KRABD4: variants seen among roughly 807,000 people sequenced by gnomAD.
KRABD4 encodes KRAB domain-containing protein 4.
At chrX:46,467,068 A>G in the KRABD4 span, among the ~76,000 whole-genome samples, 2 of 112,044 alleles carry the variant, frequency 1.8e-5, no homozygotes, top group African/African-American at 3.2e-5. Context: ...ATAGCTGAGT[A>G]GTGTTCCAGT....
At chrX:46,463,791 TG>T in the KRABD4 span, among the ~76,000 whole-genome samples, 2 of 109,976 alleles carry the variant, frequency 1.8e-5, no homozygotes, top group Admixed American at 1.9e-4. Context: ...GTTTGTTTTT[TG>T]TTTGTTTGTT....
At chrX:46,463,154 C>T in the KRABD4 span, 1 of 1,177,748 alleles carries the variant, frequency 8.5e-7, no homozygotes, top group Non-Finnish European at 1.2e-6. Flanking sequence ...TTCTGGAATT[C>T]CTCAGCATTA....
the KRABD4 span, among the ~76,000 whole-genome samples, chrX:46,468,773 T>C: frequency 8.9e-6 from 1 of 111,757 alleles, no homozygotes; most frequent in Non-Finnish European, 1.9e-5. Flanking sequence ...TCTAGACTGT[T>C]CTTTCTTAAT....
the KRABD4 span, chrX:46,473,501 A>G: frequency 2.5e-6 from 2 of 806,073 alleles, no homozygotes; most frequent in South Asian, 5.4e-5. Context: ...GAGAAACCTT[A>G]TGAATGTAAT....
chrX:46,455,856 C>A, the KRABD4 span: 1 of 333,880 alleles, frequency 3.0e-6, no homozygotes, highest in South Asian at 3.4e-5. Flanking sequence ...GACCTTGAGT[C>A]AAATCAGATA....
chrX:46,458,566 G>T, the KRABD4 span, among the ~76,000 whole-genome samples: 2 of 112,179 alleles, frequency 1.8e-5, no homozygotes, highest in Non-Finnish European at 3.8e-5. Context: ...CTGTAAGAGT[G>T]GTAAACTTTG....
chrX:46,460,006 G>A, the KRABD4 span, among the ~76,000 whole-genome samples: 33 of 112,497 alleles, frequency 2.9e-4, no homozygotes, highest in African/African-American at 1.0e-3. Flanking sequence ...CCAGTCACAA[G>A]TAGGGTGTCA....
chrX:46,448,431 A>G, the KRABD4 span: 1 of 112,865 alleles, frequency 8.9e-6, no homozygotes. Context: ...CGCTGAGCTG[A>G]GGCGAGTTGG....
At chrX:46,461,652 C>T in the KRABD4 span, among the ~76,000 whole-genome samples, 21 of 111,766 alleles carry the variant, frequency 1.9e-4, no homozygotes, top group Admixed American at 1.8e-3. Context: ...GGAATTGGGG[C>T]GCTTGTAGAA....
chrX:46,467,382 C>T, the KRABD4 span, among the ~76,000 whole-genome samples: 2 of 110,548 alleles, frequency 1.8e-5, no homozygotes, highest in Non-Finnish European at 3.8e-5. Context: ...TAGTGAAACC[C>T]CGTCTCTACT....
At chrX:46,467,691 C>A in the KRABD4 span, among the ~76,000 whole-genome samples, 1 of 111,852 alleles carries the variant, frequency 8.9e-6, no homozygotes, top group Non-Finnish European at 1.9e-5. Context: ...ATTTGCATTT[C>A]TGTATGATCA....
the KRABD4 span, among the ~76,000 whole-genome samples, chrX:46,470,604 T>C: frequency 9.1e-6 from 1 of 110,472 alleles, no homozygotes; most frequent in Non-Finnish European, 1.9e-5. Flanking sequence ...AGAACATTCC[T>C]GTTTTCAACT....
the KRABD4 span, among the ~76,000 whole-genome samples, chrX:46,467,932 G>C: frequency 9.0e-6 from 1 of 111,686 alleles, no homozygotes; most frequent in African/African-American, 3.3e-5. Context: ...TTTTTATAAA[G>C]TCCAATTTAT....
the KRABD4 span, among the ~76,000 whole-genome samples, chrX:46,447,699 C>G: frequency 1.8e-5 from 2 of 111,951 alleles, no homozygotes; most frequent in Admixed American, 9.4e-5. Context: ...TTCACAGGAG[C>G]CCTGTGAGGT....
At chrX:46,456,322 TATA>T in the KRABD4 span, 1 of 107,142 alleles carries the variant, frequency 9.3e-6, no homozygotes. Flanking sequence ...AAATATAAAG[TATA>T]ATTTATTAAT....
chrX:46,457,154 G>A, the KRABD4 span: 121 of 290,715 alleles, frequency 4.2e-4, 1 homozygote, highest in African/African-American at 3.2e-3. Flanking sequence ...TACTGATAAA[G>A]CGGAGAATTC....
At chrX:46,467,397 A>C in the KRABD4 span, among the ~76,000 whole-genome samples, 1 of 110,740 alleles carries the variant, frequency 9.0e-6, no homozygotes. Context: ...TCTACTAAAA[A>C]TACAAAAATT....
chrX:46,467,798 CTG>C, the KRABD4 span, among the ~76,000 whole-genome samples: 1 of 111,970 alleles, frequency 8.9e-6, no homozygotes, highest in African/African-American at 3.2e-5. Flanking sequence ...TGTTATTAAA[CTG>C]TGAGAGTTCT....
chrX:46,470,881 TG>T, the KRABD4 span, among the ~76,000 whole-genome samples: 7 of 111,301 alleles, frequency 6.3e-5, no homozygotes, highest in African/African-American at 2.3e-4. Context: ...AATATGATTT[TG>T]TATAAATTTG....
Sources: allele counts gnomAD v4.1 joint callset (sites outside exome capture counted in the v4.1 genomes callset), GRCh38; gene constraint gnomAD v4.1.1; transcripts MANE v1.5; gene names NCBI Gene and HGNC (gene_info 2026-07-23, HGNC 2026-07-21).